Variants in MORN1 observed in about 807,000 individuals in gnomAD.
MORN1 encodes the protein MORN repeat-containing protein 1.
A neutral mutation model predicts 61.9 loss-of-function variants in MORN1; 67 were observed. That is an observed-to-expected ratio of 1.08 (90% CI 0.89 to 1.33). MORN1 has a LOEUF of 1.33. MORN1 is among the 40% of genes most tolerant of loss of function. The pLI, the probability that MORN1 is intolerant of heterozygous loss-of-function variation, is 0.00. For synonymous variants in MORN1, 301 were observed against 292.0 expected (o/e 1.03, Z -0.31); for missense variants, 752 against 691.2 (o/e 1.09, Z -0.99).
At chr1:2,323,728 G>A in intron 13 of MORN1, 2 of 985,364 alleles carry the variant, frequency 2.0e-6, no homozygotes, top group African/African-American at 1.7e-5. Flanking sequence ...TTGCTGGGGA[G>A]CAGCTCCTCA....
At chr1:2,329,738 C>T (rs35273536) in intron 12 of MORN1, among the ~76,000 whole-genome samples, 35,722 of 152,202 alleles carry the variant, frequency 0.23, 6,492 homozygotes, top group African/African-American at 0.5. Flanking sequence ...CACCGCATCA[C>T]GTGGGCCCCT....
At chr1:2,340,160 G>T (rs371845800) in intron 10 of MORN1, among the ~76,000 whole-genome samples, 4 of 152,066 alleles carry the variant, frequency 2.6e-5, no homozygotes, top group African/African-American at 7.2e-5. Context: ...GGGAGACCTC[G>T]GAGGCTGCTG....
At chr1:2,343,409 C>A (rs991797530) in intron 10 of MORN1, among the ~76,000 whole-genome samples, 3 of 152,234 alleles carry the variant, frequency 2.0e-5, no homozygotes, top group Non-Finnish European at 4.4e-5. Flanking sequence ...GGGGCACCAG[C>A]CCTGCCGGGG....
intron 12 of MORN1, among the ~76,000 whole-genome samples, chr1:2,335,816 T>G (rs982468693): frequency 7.2e-6 from 1 of 139,804 alleles, no homozygotes; most frequent in African/African-American, 3.4e-5. Flanking sequence ...AGCGGGGGCC[T>G]CCTCGCCTCC....
chr1:2,358,713 C>T lies in MORN1; in HGVS notation c.748G>A (p.Glu250Lys), dbSNP rs779773189. The change falls in exon 9 of 14, where the codon GAG (glutamate) becomes AAG (lysine). Residue 250 changes from glutamate (E) to lysine (K), a missense_variant and splice_region_variant. Physicochemically the swap from Glu to Lys is moderately conservative, Grantham distance 56 (BLOSUM62 1). Coordinates refer to ENST00000378531, the MANE Select transcript of MORN1 (RefSeq NM_024848.3). ...LQDHGEIAKSESGRVLQISAG... is the reference protein window; with the variant it reads ...LQDHGEIAKSKSGRVLQISAG... ...GAGATCTGCAGGACCCGGCCGCTCT[C>T]GCCTTCCAGGAGAGAGGAGCAGGCA... 18 of 1,609,104 alleles carry T rather than the reference C, an allele frequency of 1.1e-5. No individual in the cohort carries two copies. Among genetic ancestry groups the T allele is most frequent in the East Asian group, 2.2e-5 (1 of 44,662 alleles).
At chr1:2,371,282 C>G (rs1268858969) in intron 8 of MORN1, 1 of 152,154 alleles carries the variant, frequency 6.6e-6, no homozygotes, top group Non-Finnish European at 1.5e-5. Context: ...ATCCTCGCAC[C>G]TCAGCCTCCC....
chr1:2,332,266 C>G (rs1641174494), intron 12 of MORN1: 1 of 234,076 alleles, frequency 4.3e-6, no homozygotes, highest in South Asian at 5.1e-5. Flanking sequence ...TGTTGTGCAG[C>G]TGCACGAAGG....
At chr1:2,327,887 G>A (rs1022730375) in intron 12 of MORN1, among the ~76,000 whole-genome samples, 1 of 152,270 alleles carries the variant, frequency 6.6e-6, no homozygotes, top group East Asian at 1.9e-4. Context: ...CGGCGTCCCC[G>A]CATGAGCTCC....
At chr1:2,324,055 C>G (rs981623170) in intron 13 of MORN1, 42 bp downstream of exon 13, 2 of 1,569,194 alleles carry the variant, frequency 1.3e-6, no homozygotes, top group African/African-American at 1.4e-5. Flanking sequence ...CCTCTCCAGA[C>G]AGTGGCACAG....
At chr1:2,325,642 A>ATTTT (rs529341445) in intron 12 of MORN1, among the ~76,000 whole-genome samples, 1 of 125,018 alleles carries the variant, frequency 8.0e-6, no homozygotes, top group Non-Finnish European at 1.7e-5. Flanking sequence ...GCCTTTGTTG[A>ATTTT]TTTTTTTTTT....
intron 12 of MORN1, among the ~76,000 whole-genome samples, chr1:2,325,228 CTT>C (rs2100223386): frequency 9.7e-6 from 1 of 103,586 alleles, no homozygotes; most frequent in Non-Finnish European, 2.0e-5. Flanking sequence ...TTCTTTCTCT[CTT>C]GTTCCTTCTT....
At chr1:2,348,390 G>A (rs1329329577) in intron 10 of MORN1, among the ~76,000 whole-genome samples, 1 of 152,188 alleles carries the variant, frequency 6.6e-6, no homozygotes, top group African/African-American at 2.4e-5. Context: ...TGAGGCTGGT[G>A]GCGCGTCTCC....
chr1:2,357,411 T>C lies in MORN1; in HGVS notation c.1036+21A>G. 1 of 1,518,422 alleles carries C rather than the reference T, an allele frequency of 6.6e-7. No individual in the cohort carries two copies. Among genetic ancestry groups the C allele is most frequent in the South Asian group, 1.2e-5 (1 of 83,128 alleles). 94.1% of individuals were successfully genotyped at this position (1,518,422 alleles called of 1,614,324 possible). A position where few individuals can be genotyped will look rare whatever the true frequency, so the allele number is the denominator to read the frequency against. ...GGGCCTGGGCCCACCCACCCCCAAC[T>C]GGTTTGTGAGCTCCACTTACCAAGC... On this transcript the variant is annotated intron_variant, in intron 10 of 13. Transcript: ENST00000378531. This position sits in a 1 kb window ranked among gnomAD's most constrained non-coding sequence, Gnocchi z 6.3.
chr1:2,355,463 C>A, intron 10 of MORN1: 1 of 1,550,438 alleles, frequency 6.4e-7, no homozygotes, highest in Non-Finnish European at 8.7e-7. Context: ...AGAGTGAGCT[C>A]CCTGCAAGCA....
At position 2,325,112 on chromosome 1, in the gene MORN1, C is replaced by CCCTT. The variant is rs1640979117; in HGVS notation, c.1251-973_1251-970dup. On this transcript the variant is annotated intron_variant, in intron 12 of 13. Coordinates refer to ENST00000378531, the MANE Select transcript of MORN1 (RefSeq NM_024848.3). Reference sequence around the variant, plus strand: ...TTTCTTCTTTCTCTCCCCTTTCCTTCCCTTCCTTCCCTTCCTTCCTTCCCT... The same window carrying CCCTT: ...TTTCTTCTTTCTCTCCCCTTTCCTTCCCTTCCTTCCTTCCCTTCCTTCCTTCCCT... Among the ~76,000 whole-genome samples, 13 of 67,102 alleles carry CCCTT rather than the reference C, an allele frequency of 1.9e-4. No homozygotes were observed. The East Asian group carries it at 5.2e-3, about 27-fold the overall frequency. The allele number at this position is 67,102 out of a possible 152,430, so 44.0% of individuals were successfully genotyped here. A position where few individuals can be genotyped will look rare whatever the true frequency, so the allele number is the denominator to read the frequency against.
In MORN1 at chr1:2,390,216, C is replaced by T. The variant is rs149683155; in HGVS notation, c.77-220G>A. Among the ~76,000 whole-genome samples, 1,202 of 152,290 alleles carry T rather than the reference C, an allele frequency of 7.9e-3. 10 individuals are homozygous for T. The highest frequency in any genetic ancestry group is 0.027 in the Middle Eastern group (8 of 294). On this transcript the variant is annotated intron_variant, in intron 1 of 13. Transcript: ENST00000378531. The stretch of plus-strand genomic sequence containing the variant: ...TTTATGTGACAAGGATGAGGACCTA[C>T]TTGGTGCAGAGAAGACAGGCCCAGT...
chr1:2,342,845 TTA>T (rs1641424762), intron 10 of MORN1, among the ~76,000 whole-genome samples: 2 of 96,278 alleles, frequency 2.1e-5, no homozygotes, highest in African/African-American at 8.9e-5. Context: ...ATTTTATATT[TTA>T]TTTTATTTTA....
At chr1:2,383,694 T>C (rs891995732) in intron 6 of MORN1, among the ~76,000 whole-genome samples, 8 of 151,104 alleles carry the variant, frequency 5.3e-5, no homozygotes, top group Non-Finnish European at 1.2e-4. Flanking sequence ...GTGGTTCCTA[T>C]CTGTTAGTGC....
intron 1 of MORN1, among the ~76,000 whole-genome samples, chr1:2,391,085 A>T (rs1642645477): frequency 6.6e-6 from 1 of 152,214 alleles, no homozygotes. Context: ...GGAAGTCAGG[A>T]GGCTTGGTGC....
Sources: gnomAD v4.1 joint callset for allele counts (sites outside exome capture counted in the v4.1 genomes callset) on GRCh38, gnomAD v4.1.1 for gene constraint, Gnocchi (gnomAD v3.1) non-coding constraint, MANE v1.5 for transcripts, NCBI Gene and HGNC (gene_info 2026-07-23, HGNC 2026-07-21) for gene names.